AKAP7: variants seen among roughly 807,000 people sequenced by gnomAD.
AKAP7 encodes the protein A-kinase anchoring protein 7.
In AKAP7, 39 loss-of-function variants were observed where a neutral mutation model predicts 39.5. That is an observed-to-expected ratio of 0.99 (90% CI 0.76 to 1.29). The LOEUF (loss-of-function observed/expected upper bound fraction) is 1.29. Ranked by LOEUF, AKAP7 falls within the 50% of genes most tolerant of loss-of-function variation. AKAP7 has a pLI of 0.00. For missense variants in AKAP7, 414 were observed against 407.7 expected (o/e 1.02, Z -0.13); for synonymous variants, 140 against 139.1 (o/e 1.01, Z -0.05).
intron 7 of AKAP7, among the ~76,000 whole-genome samples, chr6:131,232,553 C>T (rs1038475450): frequency 1.3e-5 from 2 of 152,050 alleles, no homozygotes; most frequent in African/African-American, 4.8e-5. Flanking sequence ...ACTGGCCGGC[C>T]GGTGGCTCAC....
intron 7 of AKAP7, among the ~76,000 whole-genome samples, chr6:131,221,986 A>G (rs908039204): frequency 1.3e-5 from 2 of 152,180 alleles, no homozygotes; most frequent in Admixed American, 6.5e-5. Context: ...TTTAAGAAAT[A>G]TTTTTGTAAG....
At chr6:131,269,309 A>G (rs1038848418) in intron 7 of AKAP7, among the ~76,000 whole-genome samples, 1 of 152,158 alleles carries the variant, frequency 6.6e-6, no homozygotes, top group Non-Finnish European at 1.5e-5. Flanking sequence ...GTGATCCGCC[A>G]AGTGCTGGGA....
At chr6:131,262,701 C>T (rs1813452035) in intron 7 of AKAP7, among the ~76,000 whole-genome samples, 1 of 152,058 alleles carries the variant, frequency 6.6e-6, no homozygotes, top group South Asian at 2.1e-4. Flanking sequence ...ATTCAACAAA[C>T]TTAAAAAGAA....
intron 5 of AKAP7, among the ~76,000 whole-genome samples, chr6:131,180,840 T>G (rs904673369): frequency 3.4e-5 from 5 of 147,392 alleles, no homozygotes; most frequent in Non-Finnish European, 7.5e-5. Context: ...TTTTGTTTTT[T>G]TTTTTTTTAA....
intron 7 of AKAP7, among the ~76,000 whole-genome samples, chr6:131,234,216 A>G (rs1318083357): frequency 6.6e-6 from 1 of 152,192 alleles, no homozygotes; most frequent in Non-Finnish European, 1.5e-5. Flanking sequence ...CTTATTGAAC[A>G]GGTATCTATT....
chr6:131,213,923 A>G (rs1808912994), intron 6 of AKAP7, among the ~76,000 whole-genome samples: 1 of 152,138 alleles, frequency 6.6e-6, no homozygotes, highest in South Asian at 2.1e-4. Context: ...CTTGGGTGCC[A>G]GTGACCTGTT....
chr6:131,192,415 T>G (rs1271620826), intron 5 of AKAP7, among the ~76,000 whole-genome samples: 3 of 152,230 alleles, frequency 2.0e-5, no homozygotes, highest in Non-Finnish European at 2.9e-5. Flanking sequence ...TTGATTTGTT[T>G]CTGGGTTCTC....
At chr6:131,160,219 T>C (rs1802820769) in intron 3 of AKAP7, 21 bp downstream of exon 3, 5 of 1,586,916 alleles carry the variant, frequency 3.2e-6, no homozygotes, top group African/African-American at 1.4e-5. Flanking sequence ...TAAAAAGTTA[T>C]TTTTACTGTG....
intron 6 of AKAP7, among the ~76,000 whole-genome samples, chr6:131,207,434 C>T (rs1257732808): frequency 6.7e-6 from 1 of 150,230 alleles, no homozygotes; most frequent in Admixed American, 6.7e-5. Context: ...ATCCTCCTGC[C>T]TCAGCCTCCT....
At chr6:131,175,022 C>T (rs969135719) in intron 5 of AKAP7, among the ~76,000 whole-genome samples, 10 of 151,872 alleles carry the variant, frequency 6.6e-5, no homozygotes, top group Admixed American at 2.0e-4. Flanking sequence ...TTGATTAACA[C>T]ATATTGTATA....
chr6:131,162,742 G>A (rs1338990871), intron 3 of AKAP7, among the ~76,000 whole-genome samples: 1 of 152,102 alleles, frequency 6.6e-6, no homozygotes, highest in African/African-American at 2.4e-5. Flanking sequence ...TCTCTGGCTG[G>A]AGCTTTCTCT....
At chr6:131,139,210 C>T (rs1800821656) in intron 1 of AKAP7, among the ~76,000 whole-genome samples, 1 of 152,136 alleles carries the variant, frequency 6.6e-6, no homozygotes, top group Admixed American at 6.5e-5. Context: ...GTTTGAGAAA[C>T]ATTGTTCTAT....
the AKAP7 span, among the ~76,000 whole-genome samples, chr6:131,126,534 A>C: frequency 6.6e-6 from 1 of 152,212 alleles, no homozygotes; most frequent in Non-Finnish European, 1.5e-5. Context: ...GATTAGGTTC[A>C]ATCTCTAGAA....
intron 5 of AKAP7, among the ~76,000 whole-genome samples, chr6:131,193,938 C>A (rs1468871938): frequency 6.6e-6 from 1 of 151,880 alleles, no homozygotes; most frequent in Admixed American, 6.6e-5. Context: ...GTTCTTCTAT[C>A]TTTGTTCTTA....
intron 7 of AKAP7, among the ~76,000 whole-genome samples, chr6:131,244,569 A>G (rs944021648): frequency 9.2e-5 from 14 of 152,304 alleles, no homozygotes; most frequent in African/African-American, 1.4e-4. Context: ...TTATTTCTCA[A>G]TTAAGGAGAA....
intron 7 of AKAP7, among the ~76,000 whole-genome samples, chr6:131,276,413 C>G (rs1281310026): frequency 6.6e-6 from 1 of 151,998 alleles, no homozygotes. Flanking sequence ...GAGGATGATT[C>G]CTGACCTGTC....
intron 6 of AKAP7, among the ~76,000 whole-genome samples, chr6:131,202,718 C>A (rs1468960401): frequency 6.6e-6 from 1 of 151,150 alleles, no homozygotes; most frequent in Non-Finnish European, 1.5e-5. Flanking sequence ...ATGTAACTAA[C>A]CTGCACATTG....
At chr6:131,131,445 G>A (rs184574298), upstream of AKAP7, among the ~76,000 whole-genome samples, 6 of 147,380 alleles carry the variant, frequency 4.1e-5, no homozygotes, top group Middle Eastern at 7.0e-3. Context: ...AAGATTACCC[G>A]TGATATTGTT....
intron 6 of AKAP7, among the ~76,000 whole-genome samples, chr6:131,205,496 A>T (rs1808008671): frequency 6.6e-6 from 1 of 152,102 alleles, no homozygotes; most frequent in East Asian, 1.9e-4. Context: ...AATTGCATGT[A>T]GTAGTAGTAA....
Sources: gnomAD v4.1 joint callset for allele counts (sites outside exome capture counted in the v4.1 genomes callset) on GRCh38, gnomAD v4.1.1 for gene constraint, MANE v1.5 for transcripts, NCBI Gene and HGNC (gene_info 2026-07-23, HGNC 2026-07-21) for gene names.